CAVIN1: variants seen among roughly 807,000 people sequenced by gnomAD.
CAVIN1 encodes caveolae associated protein 1.
A neutral mutation model predicts 24.0 loss-of-function variants in CAVIN1; 16 were observed. The observed-to-expected ratio is 0.67, with a 90% CI of 0.45 to 1.01. The LOEUF (loss-of-function observed/expected upper bound fraction) is 1.01. Ranked by LOEUF, CAVIN1 falls within the 50% of genes least tolerant of loss-of-function variation. The pLI is 0.00. For synonymous variants in CAVIN1, 256 were observed against 256.4 expected (o/e 1.00, Z 0.02); for missense variants, 510 against 551.7 (o/e 0.92, Z 0.76).
Position 42,404,798 on chromosome 17 carries a change from C to T in CAVIN1, c.1062G>A (p.Glu354=). The change falls in exon 2 of 2, where the codon GAG becomes GAA. Residue 354 remains glutamate, a synonymous_variant. Coordinates refer to ENST00000357037, the MANE Select transcript of CAVIN1 (RefSeq NM_012232.6). ...GCCGCAGGTCGCCGGCCTCCCCGCG[C>T]TCCGCGCCGCCCTCGTCGTCGTCGG... ...VGADDDEGGA[E]RGEAGDLRRG... 1 of 1,607,082 alleles carries T rather than the reference C, an allele frequency of 6.2e-7. No individual in the cohort carries two copies. Among genetic ancestry groups the T allele is most frequent in the South Asian group, 1.1e-5 (1 of 90,502 alleles).
At position 42,422,786 on chromosome 17, in the gene CAVIN1, G is replaced by T; in HGVS notation, c.312C>A (p.Ser104Arg). The T allele has an allele frequency of 6.2e-7, 1 of 1,613,682 alleles. No individual in the cohort carries two copies. Among genetic ancestry groups the T allele is most frequent in the Non-Finnish European group, 8.5e-7 (1 of 1,179,862 alleles). The change falls in exon 1 of 2, where the codon AGC (serine) becomes AGA (arginine). Residue 104 changes from serine to arginine, a missense_variant. Physicochemically the swap from Ser to Arg is moderately radical, Grantham distance 110. Coordinates refer to ENST00000357037, the MANE Select transcript of CAVIN1 (RefSeq NM_012232.6). ...TCTCCAGCAGCTTGCTCACCGTATT[G>T]CTCGTGGTGGCGTGCGCCTTGCCCA... ...SKLGKAHATT[S>R]NTVSKLLEKV... is the part of the protein sequence containing the mutation.
intron 1 of CAVIN1, among the ~76,000 whole-genome samples, chr17:42,407,807 G>A (rs2085454418): frequency 6.6e-6 from 1 of 152,144 alleles, no homozygotes. Flanking sequence ...ATCATTCACT[G>A]AGGCATTGAA....
In CAVIN1 at chr17:42,403,702, C is replaced by G. The variant is rs79057505; in HGVS notation, c.*985G>C. The G allele has an allele frequency of 1.3e-5, 2 of 152,702 alleles. No homozygotes were observed. The highest frequency in any genetic ancestry group is 2.9e-5 in the Non-Finnish European group (2 of 68,198). 9.5% of individuals were successfully genotyped at this position (152,702 alleles called of 1,614,324 possible). A position where few individuals can be genotyped will look rare whatever the true frequency, so the allele number is the denominator to read the frequency against. On this transcript the variant is annotated 3_prime_UTR_variant, in exon 2 of 2. Transcript: ENST00000357037. ...AGTGCAGTGTCGCGACCTTGGCTCA[C>G]TGCAACCTCCACCTCCCAGGTTCAA...
Position 42,404,555 on chromosome 17 carries a change from G to C in CAVIN1, c.*132C>G. The C allele has an allele frequency of 3.3e-6, 2 of 600,788 alleles. No homozygotes were observed. Among genetic ancestry groups the C allele is most frequent in the Non-Finnish European group, 5.4e-6 (2 of 373,778 alleles). 37.2% of individuals were successfully genotyped at this position (600,788 alleles called of 1,614,324 possible). A position where few individuals can be genotyped will look rare whatever the true frequency, so the allele number is the denominator to read the frequency against. On this transcript the variant is annotated 3_prime_UTR_variant, in exon 2 of 2. Coordinates refer to ENST00000357037, the MANE Select transcript of CAVIN1 (RefSeq NM_012232.6). ...CCTAACAGCTCTAAGACTGGGAGTGGAGTTCCTGGAGGTGTGGGGAGGGGG... is the reference window on the plus strand; with the variant it reads ...CCTAACAGCTCTAAGACTGGGAGTGCAGTTCCTGGAGGTGTGGGGAGGGGG...
Position 42,404,869 on chromosome 17 carries a change from C to A in CAVIN1, c.991G>T (p.Gly331Cys). 1 of 1,613,960 alleles carries A rather than the reference C, an allele frequency of 6.2e-7. No homozygotes were observed. Among genetic ancestry groups the A allele is most frequent in the Non-Finnish European group, 8.5e-7 (1 of 1,179,894 alleles). ...FTFHVKKIRE[G>C]QVEVLKATEM... ...GTGGCCTTGAGCACTTCCACCTGGC[C>A]CTCGCGGATCTTCTTGACGTGGAAG... Residue 331 changes from glycine to cysteine, a missense_variant, in exon 2 of 2, where the codon GGC becomes TGC. Transcript: ENST00000357037.
chr17:42,411,633 G>C, intron 1 of CAVIN1: 1 of 985,374 alleles, frequency 1.0e-6, no homozygotes, highest in Non-Finnish European at 1.2e-6. Flanking sequence ...GGGTGGAGAG[G>C]GCACAGAACA....
rs560641597 is a variant in CAVIN1, at chr17:42,423,070, C to G, written c.28G>C (p.Glu10Gln). The change falls in exon 1 of 2, where the codon GAG becomes CAG. Residue 10 changes from glutamate to glutamine, a missense_variant. Glu to Gln is a conservative substitution (Grantham distance 29). Transcript: ENST00000357037. MEDPTLYIV[E>Q]RPLPGYPDAE... is the part of the protein sequence containing the mutation. ...TCGGGGTACCCGGGAAGCGGCCGCTCGACAATATAGAGCGTGGGGTCCTCC... is the reference window on the plus strand; with the variant it reads ...TCGGGGTACCCGGGAAGCGGCCGCTGGACAATATAGAGCGTGGGGTCCTCC... 3.7e-6 allele frequency: 6 copies of G among 1,600,462 alleles called. No homozygotes were observed. In the African/African-American group the frequency reaches 5.4e-5, roughly 14 times the overall value.
chr17:42,416,593 C>CAA (rs34249867), intron 1 of CAVIN1, among the ~76,000 whole-genome samples: 105 of 54,378 alleles, frequency 1.9e-3, no homozygotes, highest in South Asian at 2.6e-3. Flanking sequence ...GATCCTTTCT[C>CAA]AAAAAAAAAA....
At chr17:42,412,130 C>T in intron 1 of CAVIN1, 1 of 985,328 alleles carries the variant, frequency 1.0e-6, no homozygotes. Context: ...GGCGTCTGGT[C>T]AAAAGGTGGG....
chr17:42,418,342 C>T (rs1390672148), intron 1 of CAVIN1, among the ~76,000 whole-genome samples: 2 of 151,666 alleles, frequency 1.3e-5, no homozygotes, highest in Admixed American at 6.6e-5. Flanking sequence ...AGTGATTCTC[C>T]TGCCTCAGCC....
chr17:42,423,180 G>A lies in CAVIN1; in HGVS notation c.-83C>T, dbSNP rs567016103. 5.8e-5 allele frequency: 67 copies of A among 1,151,838 alleles called. No homozygotes were observed. The African/African-American group carries it at 6.1e-4, about 10-fold the overall frequency. The allele number at this position is 1,151,838 out of a possible 1,614,324, so 71.4% of individuals were successfully genotyped here. A position where few individuals can be genotyped will look rare whatever the true frequency, so the allele number is the denominator to read the frequency against. ...CGGAGAGAAGCAGGAGCGGAAGGGAGGAGAGCTAGCGGGCGAGAGCGGAGA... is the reference window on the plus strand; with the variant it reads ...CGGAGAGAAGCAGGAGCGGAAGGGAAGAGAGCTAGCGGGCGAGAGCGGAGA... On this transcript the variant is annotated 5_prime_UTR_variant, in exon 1 of 2. Coordinates refer to ENST00000357037, the MANE Select transcript of CAVIN1 (RefSeq NM_012232.6).
intron 1 of CAVIN1, among the ~76,000 whole-genome samples, chr17:42,410,780 C>T (rs1261373061): frequency 6.6e-6 from 1 of 151,036 alleles, no homozygotes; most frequent in Non-Finnish European, 1.5e-5. Context: ...GGTGTGGTGG[C>T]ACGAGCCTGT....
chr17:42,421,760 C>G (rs935721601), intron 1 of CAVIN1, among the ~76,000 whole-genome samples: 3 of 152,068 alleles, frequency 2.0e-5, no homozygotes, highest in Admixed American at 6.5e-5. Flanking sequence ...AGCCTCCTCC[C>G]GCCGGCTGCG....
In CAVIN1 at chr17:42,405,101, C is replaced by T; in HGVS notation, c.759G>A (p.Glu253=). The T allele has an allele frequency of 6.2e-7, 1 of 1,614,070 alleles. No individual in the cohort carries two copies. Among genetic ancestry groups the T allele is most frequent in the East Asian group, 2.2e-5 (1 of 44,842 alleles). The change falls in exon 2 of 2, where the codon GAG becomes GAA. Residue 253 remains glutamate (E), a synonymous_variant. Transcript: ENST00000357037. ...TTTCCTTGGTCTTGAGGCGCGTCTT[C>T]TCCAGGTTCTCGCGGGTACGCACCT... ...KTKVRTRENL[E]KTRLKTKENL... is the part of the protein sequence containing the mutation.
rs1555585999 is a variant in CAVIN1 at position 42,405,289 on chromosome 17, G to GCTCGCC, written c.565_570dup (p.Gly189_Glu190dup). On this transcript the variant is annotated inframe_insertion, in exon 2 of 2. Transcript: ENST00000357037. ...AGCGCCGCTGCGTCCTCCTCGGGCC[G>GCTCGCC]CTCGCCCTCGCCCAGCTCCTCGCCC... is the stretch of plus-strand genomic sequence containing the variant. The GCTCGCC allele has an allele frequency of 1.9e-6, 3 of 1,612,404 alleles. No individual in the cohort carries two copies. Among genetic ancestry groups the GCTCGCC allele is most frequent in the South Asian group, 1.1e-5 (1 of 91,078 alleles).
At chr17:42,407,224 A>G (rs2145474000) in intron 1 of CAVIN1, among the ~76,000 whole-genome samples, 1 of 152,240 alleles carries the variant, frequency 6.6e-6, no homozygotes, top group East Asian at 1.9e-4. Flanking sequence ...AAGATCATCA[A>G]TAGGATCTCT....
At position 42,423,071 on chromosome 17, in the gene CAVIN1, G is replaced by A. The variant is rs952867125; in HGVS notation, c.27C>T (p.Val9=). The A allele has an allele frequency of 1.9e-6, 3 of 1,598,666 alleles. No individual in the cohort carries two copies. Among genetic ancestry groups the A allele is most frequent in the Admixed American group, 1.7e-5 (1 of 57,866 alleles). Residue 9 remains valine, a synonymous_variant, in exon 1 of 2, where the codon GTC becomes GTT. Transcript: ENST00000357037. MEDPTLYI[V]ERPLPGYPDA... ...CGGGGTACCCGGGAAGCGGCCGCTC[G>A]ACAATATAGAGCGTGGGGTCCTCCA...
In CAVIN1 at chr17:42,404,683, C is replaced by G; in HGVS notation, c.*4G>C. On this transcript the variant is annotated 3_prime_UTR_variant, in exon 2 of 2. Coordinates refer to ENST00000357037, the MANE Select transcript of CAVIN1 (RefSeq NM_012232.6). ...GGAATGGGGTGGGTGGCAGCGGGGG[C>G]GGCTCAGTCGCTGTCGCTCTTGTCC... The G allele has an allele frequency of 1.4e-6, 2 of 1,442,974 alleles. No homozygotes were observed. The highest frequency in any genetic ancestry group is 2.9e-5 in the Admixed American group (1 of 34,500). The allele number at this position is 1,442,974 out of a possible 1,614,324, so 89.4% of individuals were successfully genotyped here.
chr17:42,407,032 G>A (rs8079445), intron 1 of CAVIN1, among the ~76,000 whole-genome samples: 127,386 of 151,916 alleles, frequency 0.84, 54,605 homozygotes, highest in East Asian at 0.99. Flanking sequence ...CTCAGAACCA[G>A]TTCTTTGCTT....
Sources: gnomAD v4.1 joint callset for allele counts (sites outside exome capture counted in the v4.1 genomes callset) on GRCh38, gnomAD v4.1.1 for gene constraint, MANE v1.5 for transcripts, NCBI Gene and HGNC (gene_info 2026-07-23, HGNC 2026-07-21) for gene names.